CSTPP1: variants seen among roughly 807,000 people sequenced by gnomAD.
CSTPP1 encodes the protein centriolar satellite-associated tubulin polyglutamylase complex regulator 1.
the CSTPP1 span, chr11:47,162,343 GC>G: frequency 1.3e-6 from 1 of 770,324 alleles, no homozygotes; most frequent in Non-Finnish European, 1.6e-6. Context: ...TAGGCCAGTG[GC>G]CCACTCAGAC....
chr11:47,022,802 AAG>A, the CSTPP1 span, among the ~76,000 whole-genome samples: 14 of 152,324 alleles, frequency 9.2e-5, no homozygotes, highest in African/African-American at 3.1e-4. Context: ...TAATAATAAT[AAG>A]ATAGTCCCCG....
At chr11:47,131,922 A>G in the CSTPP1 span, among the ~76,000 whole-genome samples, 1 of 151,948 alleles carries the variant, frequency 6.6e-6, no homozygotes, top group South Asian at 2.1e-4. Context: ...GGTTGCCATG[A>G]GCCGAGATTG....
At chr11:47,110,647 T>C in the CSTPP1 span, among the ~76,000 whole-genome samples, 3 of 152,206 alleles carry the variant, frequency 2.0e-5, no homozygotes, top group African/African-American at 7.2e-5. Flanking sequence ...CACTGGGTGG[T>C]GCCTGGCTTT....
chr11:47,122,993 GC>G, the CSTPP1 span: 2 of 151,982 alleles, frequency 1.3e-5, no homozygotes, highest in African/African-American at 4.8e-5. Flanking sequence ...TTTTCCCTAT[GC>G]AAATTTTTAT....
At chr11:47,146,861 T>G in the CSTPP1 span, among the ~76,000 whole-genome samples, 1 of 152,240 alleles carries the variant, frequency 6.6e-6, no homozygotes. Context: ...TAGCTATATA[T>G]GCATCAATCC....
chr11:47,133,328 A>C, the CSTPP1 span, among the ~76,000 whole-genome samples: 1 of 152,206 alleles, frequency 6.6e-6, no homozygotes, highest in African/African-American at 2.4e-5. Flanking sequence ...GAGTGTTCTG[A>C]TTTTGATCTT....
At chr11:47,159,887 C>G in the CSTPP1 span, 1 of 353,994 alleles carries the variant, frequency 2.8e-6, no homozygotes. Flanking sequence ...GCCTGTAATT[C>G]CTGCTACTGG....
At chr11:47,017,667 C>CTT in the CSTPP1 span, among the ~76,000 whole-genome samples, 3 of 133,478 alleles carry the variant, frequency 2.2e-5, no homozygotes, top group Non-Finnish European at 1.6e-5. Flanking sequence ...AATATATAAA[C>CTT]TTTTTTTTTT....
chr11:46,991,286 G>A, the CSTPP1 span, among the ~76,000 whole-genome samples: 6 of 151,720 alleles, frequency 4.0e-5, no homozygotes, highest in African/African-American at 1.5e-4. Context: ...TTTCTGTTAG[G>A]GGAATACTTG....
chr11:47,104,930 A>G, the CSTPP1 span, among the ~76,000 whole-genome samples: 1 of 152,244 alleles, frequency 6.6e-6, no homozygotes, highest in Non-Finnish European at 1.5e-5. Context: ...GGAAAAGGCT[A>G]TATCTGCTAA....
At chr11:47,089,002 TC>T in the CSTPP1 span, among the ~76,000 whole-genome samples, 2 of 152,202 alleles carry the variant, frequency 1.3e-5, no homozygotes, top group African/African-American at 4.8e-5. Flanking sequence ...ATCTGAGAAC[TC>T]ATCAAAGCTT....
At chr11:47,138,418 G>A in the CSTPP1 span, among the ~76,000 whole-genome samples, 7,561 of 152,250 alleles carry the variant, frequency 0.05, 283 homozygotes, top group Non-Finnish European at 0.078. Context: ...AACCATATCA[G>A]GGGGCAAGGG....
the CSTPP1 span, among the ~76,000 whole-genome samples, chr11:46,986,919 C>G: frequency 6.6e-6 from 1 of 152,270 alleles, no homozygotes; most frequent in Non-Finnish European, 1.5e-5. Flanking sequence ...TAAATCTCCT[C>G]TTCAACCCAC....
the CSTPP1 span, among the ~76,000 whole-genome samples, chr11:47,016,390 C>CAAAAAAAAAAAAAAAAAAAAAAAAAAAAA: frequency 7.9e-6 from 1 of 125,850 alleles, no homozygotes; most frequent in Non-Finnish European, 1.6e-5. Flanking sequence ...ATGGAATCTA[C>CAAAAAAAAAAAAAAAAAAAAAAAAAAAAA]AAAAAACAAA....
chr11:47,150,945 G>A, the CSTPP1 span, among the ~76,000 whole-genome samples: 1 of 149,704 alleles, frequency 6.7e-6, no homozygotes, highest in Non-Finnish European at 1.5e-5. Flanking sequence ...GGAGTGCAGT[G>A]GCACAAGCTT....
At chr11:47,086,234 C>CAAAAAGAAAAA in the CSTPP1 span, among the ~76,000 whole-genome samples, 1 of 89,434 alleles carries the variant, frequency 1.1e-5, no homozygotes, top group Non-Finnish European at 2.0e-5. Context: ...ACTAAAAATC[C>CAAAAAGAAAAA]AAAAAAAAAA....
At chr11:47,076,955 A>G in the CSTPP1 span, among the ~76,000 whole-genome samples, 1 of 91,754 alleles carries the variant, frequency 1.1e-5, no homozygotes, top group African/African-American at 3.9e-5. Flanking sequence ...AGAAGTAGAA[A>G]ACAGGAGGAA....
chr11:47,079,700 CTG>C, the CSTPP1 span, among the ~76,000 whole-genome samples: 5 of 152,278 alleles, frequency 3.3e-5, no homozygotes, highest in Admixed American at 2.6e-4. Context: ...TTTGTCTAAA[CTG>C]TTTTTTAACA....
the CSTPP1 span, among the ~76,000 whole-genome samples, chr11:47,128,403 A>T: frequency 6.6e-6 from 1 of 152,160 alleles, no homozygotes; most frequent in Non-Finnish European, 1.5e-5. Context: ...TCTCTTTGAG[A>T]CAGGGTCTCA....
Sources: allele counts gnomAD v4.1 joint callset (sites outside exome capture counted in the v4.1 genomes callset), GRCh38; gene constraint gnomAD v4.1.1; transcripts MANE v1.5; gene names NCBI Gene and HGNC (gene_info 2026-07-23, HGNC 2026-07-21).